Variants in DYSF observed in about 807,000 individuals in gnomAD.
DYSF encodes dysferlin.
DYSF carries 212 observed loss-of-function variants against 274.9 expected under a neutral mutation model. The observed-to-expected ratio is 0.77, with a 90% CI of 0.69 to 0.86. DYSF has a LOEUF of 0.86. DYSF is among the 40% of genes least tolerant of loss of function. The pLI is 0.00. For synonymous variants in DYSF, 1,091 were observed against 1,078.7 expected (o/e 1.01, Z -0.22); for missense variants, 2,666 against 2,783.2 (o/e 0.96, Z 0.95).
At chr2:71,612,937 C>A in intron 39 of DYSF, 131 bp downstream of exon 39, 1 of 1,224,634 alleles carries the variant, frequency 8.2e-7, no homozygotes, top group African/African-American at 1.5e-5. Flanking sequence ...TTCTGCTCTG[C>A]TAGACCACAG....
intron 3 of DYSF, among the ~76,000 whole-genome samples, chr2:71,487,513 T>C (rs987785913): frequency 6.6e-6 from 1 of 151,976 alleles, no homozygotes; most frequent in African/African-American, 2.4e-5. Flanking sequence ...TGGCATTTTG[T>C]TGTTGTTGTT....
At chr2:71,620,650 T>G (rs888948022) in intron 41 of DYSF, 41 bp downstream of exon 41, 1 of 1,538,514 alleles carries the variant, frequency 6.5e-7, no homozygotes, top group African/African-American at 1.4e-5. Context: ...TTGTATTCCC[T>G]TGTGGGGCTG....
intron 41 of DYSF, among the ~76,000 whole-genome samples, chr2:71,634,017 C>T (rs2094355592): frequency 1.3e-5 from 2 of 152,332 alleles, no homozygotes; most frequent in South Asian, 4.1e-4. Context: ...TAGACTGGAT[C>T]AAGCCTGGAG....
intron 10 of DYSF, among the ~76,000 whole-genome samples, chr2:71,519,595 A>G (rs1273602741): frequency 6.6e-6 from 1 of 152,112 alleles, no homozygotes; most frequent in Non-Finnish European, 1.5e-5. Context: ...AATAAAAATA[A>G]TCCAAATCTA....
intron 14 of DYSF, among the ~76,000 whole-genome samples, chr2:71,534,768 G>A (rs1331281964): frequency 6.6e-6 from 1 of 152,134 alleles, no homozygotes; most frequent in African/African-American, 2.4e-5. Context: ...GGGTAGAAGG[G>A]CTGTGGCATT....
intron 41 of DYSF, among the ~76,000 whole-genome samples, chr2:71,631,147 A>G (rs12471152): frequency 0.02 from 3,013 of 152,284 alleles, 102 homozygotes; most frequent in Admixed American, 0.092. Flanking sequence ...AAAGGAATCA[A>G]TTACAGGGTG....
chr2:71,616,999 C>G (rs1307898212), intron 40 of DYSF, among the ~76,000 whole-genome samples: 1 of 152,106 alleles, frequency 6.6e-6, no homozygotes, highest in Non-Finnish European at 1.5e-5. Context: ...ACACAGAGAG[C>G]CTGCCACCCC....
At chr2:71,528,434 G>A in intron 14 of DYSF, 33 bp downstream of exon 14, 1 of 1,579,804 alleles carries the variant, frequency 6.3e-7, no homozygotes, top group Non-Finnish European at 8.7e-7. Context: ...GGTTCTCTCG[G>A]GAGGGGACTT....
rs141170955 is a variant in DYSF at position 71,561,958 on chromosome 2, G to A, written c.2409+14G>A. The A allele has an allele frequency of 2.9e-4, 473 of 1,611,888 alleles. 1 individual carries two copies. In the African/African-American group the frequency reaches 5.9e-3, roughly 20 times the overall value. On this transcript the variant is annotated intron_variant, in intron 23 of 55. Transcript: ENST00000410020. Reference sequence around the variant, plus strand: ...CTGGCAGAGGAGGTAATTAAGCCTGGGGGTGCCTTTCTTCTTCTGCTCTCC... The same window carrying A: ...CTGGCAGAGGAGGTAATTAAGCCTGAGGGTGCCTTTCTTCTTCTGCTCTCC...
chr2:71,594,941 C>T (rs970400283), intron 32 of DYSF, among the ~76,000 whole-genome samples: 1 of 152,212 alleles, frequency 6.6e-6, no homozygotes, highest in South Asian at 2.1e-4. Context: ...TGGATTATGT[C>T]TCATTCATCT....
intron 1 of DYSF, among the ~76,000 whole-genome samples, chr2:71,459,907 C>T (rs2081216236): frequency 6.6e-6 from 1 of 152,156 alleles, no homozygotes; most frequent in Non-Finnish European, 1.5e-5. Context: ...CTGCAATAAG[C>T]ATGAAACTCA....
intron 39 of DYSF, 65 bp from the exon 40 acceptor site, chr2:71,613,269 G>A: frequency 6.8e-7 from 1 of 1,478,414 alleles, no homozygotes; most frequent in South Asian, 1.2e-5. Flanking sequence ...TGAGCCCTGG[G>A]GCTGGTGAGG....
At chr2:71,597,478 G>A (rs541266971) in intron 32 of DYSF, among the ~76,000 whole-genome samples, 34 of 152,294 alleles carry the variant, frequency 2.2e-4, no homozygotes, top group African/African-American at 7.9e-4. Flanking sequence ...GGCAGCATGA[G>A]CATCACTTTT....
chr2:71,526,418 T>TGGGGTGGGGGGGGGGGGGTTG, intron 13 of DYSF, 72 bp downstream of exon 13: 7 of 261,486 alleles, frequency 2.7e-5, no homozygotes, highest in African/African-American at 4.6e-5. Flanking sequence ...GGGTGGGCGA[T>TGGGGTGGGGGGGGGGGGGTTG]GGCGGGCGGG....
Position 71,664,505 on chromosome 2 carries a change from C to T in DYSF, c.5174+67C>T, listed in dbSNP as rs1017837119. The T allele has an allele frequency of 8.8e-6, 14 of 1,586,566 alleles. No individual in the cohort carries two copies. The African/African-American group carries it at 1.3e-4, about 15-fold the overall frequency. ...ACCACCCCTGTCTTCTCTGACAACA[C>T]ACCACCACTGAGCACTTACTGTGTG... On this transcript the variant is annotated intron_variant, in intron 46 of 55. Transcript: ENST00000410020.
chr2:71,558,772 G>T (rs893186804), intron 22 of DYSF, among the ~76,000 whole-genome samples: 4 of 152,128 alleles, frequency 2.6e-5, no homozygotes, highest in Non-Finnish European at 5.9e-5. Context: ...CAGGAGCTTG[G>T]GAGGGGAACT....
intron 41 of DYSF, among the ~76,000 whole-genome samples, chr2:71,625,604 A>G (rs1335506303): frequency 6.6e-6 from 1 of 152,088 alleles, no homozygotes; most frequent in African/African-American, 2.4e-5. Context: ...ATAAGGAAGT[A>G]CTTTGTTCAT....
intron 16 of DYSF, among the ~76,000 whole-genome samples, chr2:71,537,627 G>A (rs962775683): frequency 3.3e-5 from 5 of 152,148 alleles, no homozygotes; most frequent in Non-Finnish European, 2.9e-5. Flanking sequence ...CTAATGTAGT[G>A]CCGGCGATGG....
At chr2:71,576,919 TG>T (rs1413472153) in intron 30 of DYSF, 2 of 152,274 alleles carry the variant, frequency 1.3e-5, no homozygotes, top group African/African-American at 4.8e-5. Flanking sequence ...GAGGGATCAC[TG>T]AAACTAGGCG....
Sources: allele counts gnomAD v4.1 joint callset (sites outside exome capture counted in the v4.1 genomes callset), GRCh38; gene constraint gnomAD v4.1.1; transcripts MANE v1.5; gene names NCBI Gene and HGNC (gene_info 2026-07-23, HGNC 2026-07-21).